The following PIWIL3 variants were observed in gnomAD, a reference collection of about 807,000 sequenced individuals.
PIWIL3 encodes piwi-like protein 3.
Under a neutral mutation model 109.7 loss-of-function variants are expected in PIWIL3, and 101 were observed. The ratio of observed to expected loss-of-function variants is 0.92; its 90% confidence interval spans 0.78 to 1.09. The LOEUF is 1.09. Ranked by LOEUF, PIWIL3 falls within the 50% of genes least tolerant of loss-of-function variation. PIWIL3 has a pLI of 0.00. For missense variants in PIWIL3, 1,031 were observed against 1,072.6 expected, an observed-to-expected ratio of 0.96 and a Z score of 0.54; for synonymous variants, 373 against 376.4, an observed-to-expected ratio of 0.99 and a Z score of 0.10.
intron 3 of PIWIL3, among the ~76,000 whole-genome samples, chr22:24,759,035 A>T (rs959606822): frequency 6.6e-6 from 1 of 152,216 alleles, no homozygotes; most frequent in African/African-American, 2.4e-5. Flanking sequence ...CTGGGACTAC[A>T]GGCGCATACC....
In PIWIL3 at chr22:24,746,872, T is replaced by G. The variant is rs139579089; in HGVS notation, c.1449+2035A>C. On this transcript the variant is annotated intron_variant, in intron 12 of 20. Transcript: ENST00000616349. ...GAGGCCACACACAAAAATGAAGATA[T>G]TCCATGTTCATGAATTAGAAGAATC... Among the ~76,000 whole-genome samples the G allele has an allele frequency of 8.2e-3, 1,250 of 152,132 alleles. 19 individuals carry two copies. Among genetic ancestry groups the G allele is most frequent in the African/African-American group, 0.028 (1,169 of 41,556 alleles).
chr22:24,762,228 G>C, intron 2 of PIWIL3, 170 bp downstream of exon 2: 1 of 1,226,186 alleles, frequency 8.2e-7, no homozygotes, highest in Non-Finnish European at 1.1e-6. Flanking sequence ...CATCTGAGTA[G>C]ATAAAGCCTC....
rs1925188690 is a variant in PIWIL3 at position 24,757,910 on chromosome 22, G to A, written c.353C>T (p.Thr118Ile). ...QDMKHVKDSKTGSEGTVVQLL... is the reference protein window; with the variant it reads ...QDMKHVKDSKIGSEGTVVQLL... ...CATTGAGTTCTAGACCAACATACCTGTTTTTGAGTCTTTAACATGCTTCAT... is the reference window on the plus strand; with the variant it reads ...CATTGAGTTCTAGACCAACATACCTATTTTTGAGTCTTTAACATGCTTCAT... The change falls in exon 4 of 21, where the codon ACA becomes ATA. Residue 118 changes from threonine to isoleucine, a missense_variant and splice_region_variant. Thr to Ile is a moderately conservative substitution (Grantham distance 89, BLOSUM62 -1). Coordinates refer to ENST00000616349, the MANE Select transcript of PIWIL3 (RefSeq NM_001255975.1). 1 of 1,602,810 alleles carries A rather than the reference G, an allele frequency of 6.2e-7. No individual in the cohort carries two copies.
Position 24,744,178 on chromosome 22 carries a change from T to TAAAAAAA in PIWIL3, c.1449+4722_1449+4728dup, listed in dbSNP as rs1188611412. ...ACTCTAATTGAAAGAGTGACCGAAT[T>TAAAAAAA]AAAAAAAAAAAAAAAAAAAAAAAAA... On this transcript the variant is annotated intron_variant, in intron 12 of 20. Transcript: ENST00000616349. Among the ~76,000 whole-genome samples the TAAAAAAA allele has an allele frequency of 1.5e-3, 51 of 34,290 alleles. 1 individual carries two copies. Among genetic ancestry groups the TAAAAAAA allele is most frequent in the Non-Finnish European group, 2.2e-3 (38 of 17,608 alleles). 22.5% of individuals were successfully genotyped at this position (34,290 alleles called of 152,430 possible). A position where few individuals can be genotyped will look rare whatever the true frequency, so the allele number is the denominator to read the frequency against.
chr22:24,753,388 C>T (rs1442243834), intron 8 of PIWIL3, among the ~76,000 whole-genome samples: 1 of 152,228 alleles, frequency 6.6e-6, no homozygotes, highest in African/African-American at 2.4e-5. Context: ...ATTGAAAAGA[C>T]TATTCTTTCC....
At chr22:24,764,624 C>CTGTG (rs1569112703) in intron 1 of PIWIL3, among the ~76,000 whole-genome samples, 7 of 63,804 alleles carry the variant, frequency 1.1e-4, no homozygotes, top group Non-Finnish European at 1.5e-4. Flanking sequence ...TTTGACCTTG[C>CTGTG]CGTGTGTGTG....
chr22:24,740,712 C>A (rs377528673), intron 12 of PIWIL3, among the ~76,000 whole-genome samples: 17 of 151,988 alleles, frequency 1.1e-4, no homozygotes, highest in African/African-American at 4.1e-4. Context: ...CTAGATCAAA[C>A]CAGGAAGAAA....
chr22:24,757,615 T>TACATACACACACACACACAC lies in PIWIL3; in HGVS notation c.355+292_355+293insGTGTGTGTGTGTGTGTATGT, dbSNP rs1555913039. 1.8e-3 allele frequency among the ~76,000 whole-genome samples: 145 copies of TACATACACACACACACACAC among 79,264 alleles called. 1 individual carries two copies. Among genetic ancestry groups the TACATACACACACACACACAC allele is most frequent in the African/African-American group, 6.1e-3 (127 of 20,870 alleles). 52.0% of individuals were successfully genotyped at this position (79,264 alleles called of 152,430 possible). A position where few individuals can be genotyped will look rare whatever the true frequency, so the allele number is the denominator to read the frequency against. On this transcript the variant is annotated intron_variant, in intron 4 of 20. Coordinates refer to ENST00000616349, the MANE Select transcript of PIWIL3 (RefSeq NM_001255975.1). ...AGACCGTGTCTCTACAAAATTTACA[T>TACATACACACACACACACAC]ACACACACACACACACACACACATA...
chr22:24,753,387 A>T (rs1924823130), intron 8 of PIWIL3, among the ~76,000 whole-genome samples: 2 of 152,236 alleles, frequency 1.3e-5, no homozygotes, highest in African/African-American at 4.8e-5. Context: ...TATTGAAAAG[A>T]CTATTCTTTC....
At chr22:24,738,322 A>T (rs537585971) in intron 12 of PIWIL3, among the ~76,000 whole-genome samples, 2 of 152,204 alleles carry the variant, frequency 1.3e-5, no homozygotes, top group Admixed American at 1.3e-4. Flanking sequence ...GGCCTGGGGG[A>T]ACTTACTGCC....
At chr22:24,761,179 T>C (rs1315367213) in intron 2 of PIWIL3, among the ~76,000 whole-genome samples, 1 of 151,162 alleles carries the variant, frequency 6.6e-6, no homozygotes, top group Non-Finnish European at 1.5e-5. Context: ...ACGAGATAAA[T>C]ATGGGGACCT....
chr22:24,773,710 T>TC (rs1234179092), intron 1 of PIWIL3, among the ~76,000 whole-genome samples: 1 of 88,182 alleles, frequency 1.1e-5, no homozygotes, highest in East Asian at 4.0e-4. Flanking sequence ...TAGATTTTTT[T>TC]TTTTTTTTTT....
chr22:24,731,132 G>T (rs1923321880), intron 14 of PIWIL3, among the ~76,000 whole-genome samples: 1 of 152,102 alleles, frequency 6.6e-6, no homozygotes, highest in Admixed American at 6.6e-5. Flanking sequence ...ATTCTTAGCA[G>T]GACCCATTTA....
intron 12 of PIWIL3, among the ~76,000 whole-genome samples, chr22:24,737,208 AG>A (rs1235743183): frequency 5.9e-5 from 9 of 152,220 alleles, no homozygotes; most frequent in Non-Finnish European, 1.3e-4. Context: ...GGAGAAAAGA[AG>A]GAAGAGTGAA....
rs1924602692 is a variant in PIWIL3, at chr22:24,749,883, G to T, written c.1090-64C>A. 9 of 1,610,866 alleles carry T rather than the reference G, an allele frequency of 5.6e-6. No individual in the cohort carries two copies. The Admixed American group carries it at 1.3e-4, about 24-fold the overall frequency. ...AACCTTAGAAACATCACACACAGAG[G>T]TTCAAAAGTGCATGTGTGGGACTAC... On this transcript the variant is annotated intron_variant, in intron 9 of 20. Transcript: ENST00000616349.
At position 24,755,783 on chromosome 22, in the gene PIWIL3, C is replaced by A. The variant is rs1405560165; in HGVS notation, c.692+1G>T. The A allele has an allele frequency of 6.2e-7, 1 of 1,613,944 alleles. No homozygotes were observed. The highest frequency in any genetic ancestry group is 1.1e-5 in the South Asian group (1 of 91,072). ...AAAGAAACTCAACCCCGGTAACATA[C>A]CTTCTAAAGAGAATGTTGTAATAGC... is the stretch of plus-strand genomic sequence containing the variant. On this transcript the variant is annotated splice_donor_variant, in intron 6 of 20. Transcript: ENST00000616349. LOFTEE classifies it high-confidence loss of function.
chr22:24,760,026 CCTA>C, intron 2 of PIWIL3, 37 bp from the exon 3 acceptor site: 4 of 1,611,398 alleles, frequency 2.5e-6, no homozygotes, highest in Non-Finnish European at 3.4e-6. Flanking sequence ...TGAGCAGTGC[CCTA>C]CTGTGTTCAT....
At position 24,748,858 on chromosome 22, in the gene PIWIL3, A is replaced by G. The variant is rs1349969520; in HGVS notation, c.1449+49T>C. Reference sequence around the variant, plus strand: ...ACTCAAGTTAGTTCCTTTTTGCTTTACTCTTCATTTGACCCCACCATGACA... The same window carrying G: ...ACTCAAGTTAGTTCCTTTTTGCTTTGCTCTTCATTTGACCCCACCATGACA... On this transcript the variant is annotated intron_variant, in intron 12 of 20. Transcript: ENST00000616349. 5 of 1,445,242 alleles carry G rather than the reference A, an allele frequency of 3.5e-6. No individual in the cohort carries two copies. In the Admixed American group the frequency reaches 6.3e-5, roughly 18 times the overall value. 89.5% of individuals were successfully genotyped at this position (1,445,242 alleles called of 1,614,324 possible). A position where few individuals can be genotyped will look rare whatever the true frequency, so the allele number is the denominator to read the frequency against.
At position 24,769,041 on chromosome 22, in the gene PIWIL3, GTCC is replaced by G. The variant is rs536026575; in HGVS notation, c.-23+5278_-23+5280del. 6.6e-4 allele frequency among the ~76,000 whole-genome samples: 101 copies of G among 152,226 alleles called. 1 individual carries two copies. The highest frequency in any genetic ancestry group is 2.4e-3 in the African/African-American group (99 of 41,542). Reference sequence around the variant, plus strand: ...TAATAAAAACGAGGCCAACTATACAGTCCTCCTTGGGTATCCACAGGGATTGGT... The same window carrying G: ...TAATAAAAACGAGGCCAACTATACAGTCCTTGGGTATCCACAGGGATTGGT... On this transcript the variant is annotated intron_variant, in intron 1 of 20. Transcript: ENST00000616349.
Sources: gnomAD v4.1 joint callset for allele counts (sites outside exome capture counted in the v4.1 genomes callset) on GRCh38, gnomAD v4.1.1 for gene constraint, MANE v1.5 for transcripts, NCBI Gene and HGNC (gene_info 2026-07-23, HGNC 2026-07-21) for gene names.